Variants in TAFA5 observed in about 807,000 individuals in gnomAD.
TAFA5 encodes chemokine-like protein TAFA-5.
TAFA5 carries 6 observed loss-of-function variants against 15.3 expected under a neutral mutation model. That is an observed-to-expected ratio of 0.39 (90% CI 0.21 to 0.77). The LOEUF (loss-of-function observed/expected upper bound fraction) is 0.77, where lower values mean the gene tolerates loss of function less well. Ranked by LOEUF, TAFA5 falls within the 30% of genes least tolerant of loss-of-function variation. The pLI, the probability that TAFA5 is intolerant of heterozygous loss-of-function variation, is 0.41. For synonymous variants in TAFA5, 103 were observed against 80.7 expected, an observed-to-expected ratio of 1.28 and a Z score of -1.48; for missense variants, 161 against 193.1, an observed-to-expected ratio of 0.83 and a Z score of 0.98.
At chr22:48,496,527 A>G (rs1471260396) in intron 1 of TAFA5, among the ~76,000 whole-genome samples, 4 of 152,204 alleles carry the variant, frequency 2.6e-5, no homozygotes, top group Non-Finnish European at 5.9e-5. Context: ...TCAACCCTGC[A>G]GGCAGAGGAG....
intron 3 of TAFA5, among the ~76,000 whole-genome samples, chr22:48,732,724 C>T (rs1929903587): frequency 6.6e-6 from 1 of 152,216 alleles, no homozygotes; most frequent in Non-Finnish European, 1.5e-5. Context: ...TTAAAATGCT[C>T]TCAAACAGCA....
Position 48,535,993 on chromosome 22 carries a change from A to C in TAFA5, c.112+46289A>C, listed in dbSNP as rs374259774. ...CGTATGGGCACTCATGCATGGCTGC[A>C]CAGGGGCACACACAGACACACCCCC... On this transcript the variant is annotated intron_variant, in intron 1 of 3. Coordinates refer to ENST00000402357, the MANE Select transcript of TAFA5 (RefSeq NM_001082967.3). Among the ~76,000 whole-genome samples the C allele has an allele frequency of 3.3e-5, 5 of 152,358 alleles. No individual in the cohort carries two copies. The East Asian group carries it at 7.7e-4, about 23-fold the overall frequency.
chr22:48,648,625 G>A (rs1343047906), intron 2 of TAFA5, among the ~76,000 whole-genome samples: 3 of 152,162 alleles, frequency 2.0e-5, no homozygotes, highest in African/African-American at 7.2e-5. Context: ...TGGATCACGA[G>A]GTCAGGAGTT....
Position 48,530,945 on chromosome 22 carries a change from G to A in TAFA5, c.112+41241G>A, listed in dbSNP as rs1368245386. The stretch of plus-strand genomic sequence containing the variant: ...AGCTTCCACTGTACAGGGACCCCCT[G>A]TGCAAAGTGGTGCCCCTGCCCGCCC... On this transcript the variant is annotated intron_variant, in intron 1 of 3. Coordinates refer to ENST00000402357, the MANE Select transcript of TAFA5 (RefSeq NM_001082967.3). This position sits in a 1 kb window ranked among gnomAD's most constrained non-coding sequence, Gnocchi z 6.0. 2.0e-5 allele frequency among the ~76,000 whole-genome samples: 3 copies of A among 152,184 alleles called. No individual in the cohort carries two copies. The highest frequency in any genetic ancestry group is 4.4e-5 in the Non-Finnish European group (3 of 68,024).
intron 2 of TAFA5, among the ~76,000 whole-genome samples, chr22:48,698,039 G>A (rs143381324): frequency 3.3e-5 from 5 of 151,200 alleles, no homozygotes; most frequent in East Asian, 2.0e-4. Context: ...TAATGGTGGC[G>A]ATGGTGGTGG....
chr22:48,542,873 T>A (rs1922511077), intron 1 of TAFA5, among the ~76,000 whole-genome samples: 1 of 149,488 alleles, frequency 6.7e-6, no homozygotes, highest in African/African-American at 2.5e-5. Flanking sequence ...ATGTATGGTG[T>A]GTGTGATGTG....
intron 1 of TAFA5, among the ~76,000 whole-genome samples, chr22:48,581,440 C>T (rs1292350861): frequency 6.6e-6 from 1 of 152,218 alleles, no homozygotes; most frequent in African/African-American, 2.4e-5. Context: ...TGCTGCCGTG[C>T]TGAGCACAGT....
In TAFA5 at chr22:48,697,795, T is replaced by C. The variant is rs551320548; in HGVS notation, c.263-9922T>C. Among the ~76,000 whole-genome samples, 22 of 151,714 alleles carry C rather than the reference T, an allele frequency of 1.5e-4. 1 individual carries two copies. The highest frequency in any genetic ancestry group is 1.1e-3 in the Admixed American group (17 of 15,246). On this transcript the variant is annotated intron_variant, in intron 2 of 3. Transcript: ENST00000402357. ...GATAAAATGATGATGGTGATGATGA[T>C]GGTGATGATGATGAGATGGTAGTGG...
intron 1 of TAFA5, chr22:48,543,253 C>G (rs1922527366): frequency 6.6e-6 from 1 of 152,166 alleles, no homozygotes; most frequent in Non-Finnish European, 1.5e-5. Context: ...CCGCTCCCCT[C>G]CCCGGGGAAG....
intron 1 of TAFA5, among the ~76,000 whole-genome samples, chr22:48,630,589 G>A (rs911970198): frequency 8.5e-5 from 13 of 152,172 alleles, no homozygotes; most frequent in Non-Finnish European, 1.9e-4. Flanking sequence ...TAATTGGTGG[G>A]GCCAGGTGGA....
At chr22:48,713,126 A>G (rs1332960085) in intron 3 of TAFA5, among the ~76,000 whole-genome samples, 3 of 152,172 alleles carry the variant, frequency 2.0e-5, no homozygotes, top group Non-Finnish European at 4.4e-5. Flanking sequence ...ATTGAGTACC[A>G]CCTTCTAATT....
intron 1 of TAFA5, among the ~76,000 whole-genome samples, chr22:48,592,604 ACTCCTCTGCGCT>A (rs1434623595): frequency 6.7e-6 from 1 of 149,726 alleles, no homozygotes; most frequent in East Asian, 2.0e-4. Context: ...TCTGGGGCGC[ACTCCTCTGCGCT>A]CTGCCTGTCT....
At chr22:48,616,425 TC>T (rs1377056967) in intron 1 of TAFA5, among the ~76,000 whole-genome samples, 1 of 152,100 alleles carries the variant, frequency 6.6e-6, no homozygotes, top group Non-Finnish European at 1.5e-5. Context: ...CCTGGGAGCA[TC>T]CCTAATGCAT....
intron 1 of TAFA5, among the ~76,000 whole-genome samples, chr22:48,577,638 A>C (rs537835963): frequency 6.6e-6 from 1 of 151,924 alleles, no homozygotes; most frequent in African/African-American, 2.4e-5. Context: ...TTCCTGACTA[A>C]TTAATGAGCC....
chr22:48,576,743 A>AC (rs1314800988), intron 1 of TAFA5, among the ~76,000 whole-genome samples: 4 of 149,688 alleles, frequency 2.7e-5, no homozygotes, highest in Non-Finnish European at 5.9e-5. Context: ...CAGGAGCCCG[A>AC]CCCCCCGCGG....
At chr22:48,540,860 A>T (rs1198427996) in intron 1 of TAFA5, among the ~76,000 whole-genome samples, 1 of 138,032 alleles carries the variant, frequency 7.2e-6, no homozygotes, top group African/African-American at 2.6e-5. Flanking sequence ...CTGTCAGACC[A>T]TTTTTCATTG....
intron 3 of TAFA5, among the ~76,000 whole-genome samples, chr22:48,726,088 C>G (rs894848770): frequency 7.9e-5 from 12 of 152,136 alleles, no homozygotes; most frequent in Non-Finnish European, 2.9e-5. Flanking sequence ...GCAAGCTGTC[C>G]CCTGAACTCA....
chr22:48,560,721 G>A lies in TAFA5; in HGVS notation c.112+71017G>A, dbSNP rs992100617. Reference sequence around the variant, plus strand: ...CCTCCCGGGTTCAAGCAATTCTCCCGCCTCAGCTTCCTGAGTAGCTGGGAT... The same window carrying A: ...CCTCCCGGGTTCAAGCAATTCTCCCACCTCAGCTTCCTGAGTAGCTGGGAT... On this transcript the variant is annotated intron_variant, in intron 1 of 3. Coordinates refer to ENST00000402357, the MANE Select transcript of TAFA5 (RefSeq NM_001082967.3). This position sits in a 1 kb window ranked among gnomAD's most constrained non-coding sequence, Gnocchi z 4.2. Among the ~76,000 whole-genome samples, 8 of 151,952 alleles carry A rather than the reference G, an allele frequency of 5.3e-5. No individual in the cohort carries two copies. The highest frequency in any genetic ancestry group is 8.8e-5 in the Non-Finnish European group (6 of 67,984).
At chr22:48,730,267 C>G (rs926872593) in intron 3 of TAFA5, among the ~76,000 whole-genome samples, 1 of 152,000 alleles carries the variant, frequency 6.6e-6, no homozygotes, top group Non-Finnish European at 1.5e-5. Context: ...GCCTATAGTC[C>G]CAGCTACTTT....
Sources: gnomAD v4.1 joint callset for allele counts (sites outside exome capture counted in the v4.1 genomes callset) on GRCh38, gnomAD v4.1.1 for gene constraint, Gnocchi (gnomAD v3.1) non-coding constraint, MANE v1.5 for transcripts, NCBI Gene and HGNC (gene_info 2026-07-23, HGNC 2026-07-21) for gene names.